Variants in RIMS2 observed in about 807,000 individuals in gnomAD.
The protein encoded by RIMS2 is regulating synaptic membrane exocytosis 2, also known as regulating synaptic membrane exocytosis protein 2.
A neutral mutation model predicts 174.4 loss-of-function variants in RIMS2; 59 were observed. That is an observed-to-expected ratio of 0.34 (90% CI 0.27 to 0.42). The LOEUF (loss-of-function observed/expected upper bound fraction) is 0.42. RIMS2 is among the 10% of genes least tolerant of loss of function. The probability of loss-of-function intolerance (pLI) is 1.00; values close to 1 mark genes in which losing one functional copy is unlikely to be tolerated. For missense variants in RIMS2, 1,620 were observed against 1,666.3 expected (o/e 0.97, Z 0.48); for synonymous variants, 606 against 572.5 (o/e 1.06, Z -0.84).
At chr8:103,896,767 GATTCTGAACCAGTGCACCT>G (rs2099280306) in intron 4 of RIMS2, among the ~76,000 whole-genome samples, 1 of 151,540 alleles carries the variant, frequency 6.6e-6, no homozygotes, top group Non-Finnish European at 1.5e-5. Context: ...GATTAGATGG[GATTCTGAACCAGTGCACCT>G]ACTTTTGGTC....
At chr8:103,898,564 C>T (rs954960972) in intron 4 of RIMS2, among the ~76,000 whole-genome samples, 6 of 151,274 alleles carry the variant, frequency 4.0e-5, no homozygotes, top group African/African-American at 1.5e-4. Flanking sequence ...AATGCACCTG[C>T]TTTTTTAGAG....
intron 16 of RIMS2, among the ~76,000 whole-genome samples, chr8:103,983,972 G>A (rs1448213203): frequency 6.6e-6 from 1 of 152,022 alleles, no homozygotes; most frequent in Non-Finnish European, 1.5e-5. Context: ...AGGAGATCGA[G>A]ACCATCCTGG....
chr8:104,144,949 G>A (rs1437904330), intron 19 of RIMS2, among the ~76,000 whole-genome samples: 1 of 152,068 alleles, frequency 6.6e-6, no homozygotes. Context: ...CCAAAGCTAA[G>A]TTACAGATAT....
intron 19 of RIMS2, among the ~76,000 whole-genome samples, chr8:104,126,737 A>C (rs1367225636): frequency 1.3e-5 from 2 of 152,244 alleles, no homozygotes; most frequent in Non-Finnish European, 2.9e-5. Context: ...GTTTTTATGT[A>C]GTGGAATCAA....
intron 1 of RIMS2, among the ~76,000 whole-genome samples, chr8:103,575,100 A>G (rs1157509727): frequency 6.6e-6 from 1 of 152,224 alleles, no homozygotes; most frequent in African/African-American, 2.4e-5. Context: ...AATCAGTAAA[A>G]GAACATATCA....
chr8:103,544,391 G>T (rs1587290031), intron 1 of RIMS2, among the ~76,000 whole-genome samples: 1 of 152,124 alleles, frequency 6.6e-6, no homozygotes, highest in Non-Finnish European at 1.5e-5. Context: ...AGGGCAAGTG[G>T]CCCCACCCAC....
At chr8:103,560,676 G>A (rs970769316) in intron 1 of RIMS2, among the ~76,000 whole-genome samples, 1 of 152,140 alleles carries the variant, frequency 6.6e-6, no homozygotes, top group Non-Finnish European at 1.5e-5. Context: ...TTCAGAGATT[G>A]TTAAAGAACA....
At chr8:103,732,148 A>T (rs781115279) in intron 2 of RIMS2, among the ~76,000 whole-genome samples, 2 of 152,226 alleles carry the variant, frequency 1.3e-5, no homozygotes, top group Non-Finnish European at 2.9e-5. Context: ...AGCCATATCT[A>T]CGTAAGGGGG....
At chr8:103,544,337 G>C (rs950899797) in intron 1 of RIMS2, among the ~76,000 whole-genome samples, 1 of 152,186 alleles carries the variant, frequency 6.6e-6, no homozygotes. Context: ...TCAGCTGGTG[G>C]GTGCAGCTTA....
Position 104,211,566 on chromosome 8 carries a change from A to AG in RIMS2, c.3335-33350_3335-33349insG, listed in dbSNP as rs1563777881. 3.8e-3 allele frequency among the ~76,000 whole-genome samples: 504 copies of AG among 130,948 alleles called. 3 individuals are homozygous for AG. Among genetic ancestry groups the AG allele is most frequent in the African/African-American group, 0.015 (483 of 32,744 alleles). 85.9% of individuals were successfully genotyped at this position (130,948 alleles called of 152,430 possible). A position where few individuals can be genotyped will look rare whatever the true frequency, so the allele number is the denominator to read the frequency against. On this transcript the variant is annotated intron_variant, in intron 19 of 23. Coordinates refer to ENST00000504942, the Ensembl canonical transcript of RIMS2. The stretch of plus-strand genomic sequence containing the variant: ...AGGTTCGTGACATGACCCAATGTGG[A>AG]ATTTTTTTTTTTTTTTGAGACAGAG...
At chr8:103,789,562 A>G (rs2098476883) in intron 3 of RIMS2, among the ~76,000 whole-genome samples, 1 of 152,122 alleles carries the variant, frequency 6.6e-6, no homozygotes, top group Non-Finnish European at 1.5e-5. Flanking sequence ...AGATCCTGCC[A>G]ACATTCAAGG....
In RIMS2 at chr8:104,118,347, ATTTTTTGT is replaced by A. The variant is rs201718374; in HGVS notation, c.3334+103755_3334+103762del. Among the ~76,000 whole-genome samples the A allele has an allele frequency of 6.0e-4, 84 of 140,722 alleles. 1 individual carries two copies. Among genetic ancestry groups the A allele is most frequent in the Non-Finnish European group, 1.1e-3 (69 of 65,432 alleles). The allele number at this position is 140,722 out of a possible 152,430, so 92.3% of individuals were successfully genotyped here. ...AATTATTGGGGTTTTTTGTTTGTTT[ATTTTTTGT>A]TTTTTTGTTTTTTTGTTTTTTTTTT... On this transcript the variant is annotated intron_variant, in intron 19 of 23. Transcript: ENST00000504942.
At chr8:104,174,742 A>G (rs980617634) in intron 19 of RIMS2, among the ~76,000 whole-genome samples, 4 of 152,152 alleles carry the variant, frequency 2.6e-5, no homozygotes, top group Non-Finnish European at 5.9e-5. Context: ...AGAAACAATA[A>G]ATGATTTTGA....
Position 103,759,203 on chromosome 8 carries a change from C to A in RIMS2, c.388-7024C>A, listed in dbSNP as rs145077525. ...AGATCCATGGAAGGGAATCACCCTT[C>A]GGGATGCCCTAGCATCCATCAGGGG... On this transcript the variant is annotated intron_variant, in intron 2 of 23. Coordinates refer to ENST00000504942, the Ensembl canonical transcript of RIMS2. 4.3e-3 allele frequency among the ~76,000 whole-genome samples: 652 copies of A among 152,214 alleles called. 4 individuals carry two copies. Among genetic ancestry groups the A allele is most frequent in the African/African-American group, 0.015 (612 of 41,528 alleles).
chr8:104,023,661 C>T (rs1217531812), intron 19 of RIMS2, among the ~76,000 whole-genome samples: 2 of 152,092 alleles, frequency 1.3e-5, no homozygotes, highest in Admixed American at 1.3e-4. Context: ...GTTAGACATC[C>T]AAGTGAAGAT....
At chr8:103,922,397 A>G (rs1445349655) in intron 10 of RIMS2, among the ~76,000 whole-genome samples, 2 of 151,980 alleles carry the variant, frequency 1.3e-5, no homozygotes, top group Admixed American at 6.6e-5. Flanking sequence ...TATGAATTTT[A>G]TATTGTGTTG....
At chr8:103,541,980 A>G (rs1365150268) in intron 1 of RIMS2, among the ~76,000 whole-genome samples, 4 of 152,280 alleles carry the variant, frequency 2.6e-5, no homozygotes, top group Non-Finnish European at 5.9e-5. Flanking sequence ...GCACACCACT[A>G]CAGAAAATAA....
intron 21 of RIMS2, 27 bp downstream of exon 27, chr8:104,248,840 C>T: frequency 8.8e-7 from 1 of 1,138,582 alleles, no homozygotes; most frequent in South Asian, 1.2e-5. Flanking sequence ...CATGATTTCA[C>T]TATTTTGTTT....
At chr8:104,223,760 C>G in intron 19 of RIMS2, 3 of 1,596,214 alleles carry the variant, frequency 1.9e-6, no homozygotes, top group Non-Finnish European at 1.7e-6. Context: ...CGGCTACTTT[C>G]CCTGCATGAA....
Sources: allele counts gnomAD v4.1 joint callset (sites outside exome capture counted in the v4.1 genomes callset), GRCh38; gene constraint gnomAD v4.1.1; transcripts MANE v1.5; gene names NCBI Gene and HGNC (gene_info 2026-07-23, HGNC 2026-07-21).